Variants in SNX29 observed in about 807,000 individuals in gnomAD.
SNX29 encodes the protein sorting nexin 29, also known as sorting nexin-29.
Under a neutral mutation model 102.1 loss-of-function variants are expected in SNX29, and 78 were observed. That is an observed-to-expected ratio of 0.76 (90% confidence interval 0.64 to 0.92). SNX29 has a LOEUF of 0.92. Among genes scored for constraint, SNX29 ranks in the 40% least tolerant of loss-of-function variants. The probability of loss-of-function intolerance (pLI) is 0.00; values close to 1 mark genes in which losing one functional copy is unlikely to be tolerated. For missense variants in SNX29, 1,280 were observed against 1,061.7 expected, an observed-to-expected ratio of 1.21 and a Z score of -2.86; for synonymous variants, 580 against 414.5, an observed-to-expected ratio of 1.40 and a Z score of -4.85.
intron 20 of SNX29, among the ~76,000 whole-genome samples, chr16:12,564,771 A>C (rs1048983110): frequency 2.0e-4 from 30 of 151,688 alleles, no homozygotes; most frequent in African/African-American, 7.3e-4. Context: ...GATTGGCTTT[A>C]TGATTGCAGC....
At chr16:12,355,384 A>T (rs937201179) in intron 15 of SNX29, among the ~76,000 whole-genome samples, 3 of 151,992 alleles carry the variant, frequency 2.0e-5, no homozygotes, top group Non-Finnish European at 4.4e-5. Context: ...ATGGCCTGGT[A>T]TTGTTTTCGC....
chr16:12,126,732 T>G, intron 12 of SNX29, 36 bp downstream of exon 12: 1 of 1,608,546 alleles, frequency 6.2e-7, no homozygotes, highest in Non-Finnish European at 8.5e-7. Context: ...ATAGCCTCTT[T>G]CTTTGACATT....
At chr16:12,553,813 C>A (rs199822984) in intron 20 of SNX29, among the ~76,000 whole-genome samples, 23 of 152,092 alleles carry the variant, frequency 1.5e-4, no homozygotes, top group African/African-American at 5.3e-4. Context: ...GTCTCGAACT[C>A]CTGACCTTGT....
At chr16:12,533,588 T>C (rs528942128) in intron 20 of SNX29, among the ~76,000 whole-genome samples, 1 of 152,170 alleles carries the variant, frequency 6.6e-6, no homozygotes, top group Non-Finnish European at 1.5e-5. Flanking sequence ...AGGTATATTA[T>C]TTGGAGGGAG....
rs1021129966 is a variant in SNX29 at position 12,572,137 on chromosome 16, T to G, written c.*3508T>G. 1 of 995,442 alleles carries G rather than the reference T, an allele frequency of 1.0e-6. No homozygotes were observed. Among genetic ancestry groups the G allele is most frequent in the Admixed American group, 5.4e-5 (1 of 18,578 alleles). The allele number at this position is 995,442 out of a possible 1,614,324, so 61.7% of individuals were successfully genotyped here. ...ACAGCCCTTGGCCCTGCTTCATACT[T>G]TGGAGCTTATTAAGATCAATTTTGA... On this transcript the variant is annotated 3_prime_UTR_variant, in exon 21 of 21. Coordinates refer to ENST00000566228, the MANE Select transcript of SNX29 (RefSeq NM_032167.5).
At chr16:12,254,003 G>A (rs1029226495) in intron 14 of SNX29, among the ~76,000 whole-genome samples, 3 of 152,138 alleles carry the variant, frequency 2.0e-5, no homozygotes, top group Admixed American at 6.5e-5. Context: ...GGGCTGTGAG[G>A]TGTGAGTGAG....
intron 14 of SNX29, among the ~76,000 whole-genome samples, chr16:12,217,503 G>A (rs557779990): frequency 3.3e-5 from 5 of 152,192 alleles, no homozygotes; most frequent in African/African-American, 1.2e-4. Flanking sequence ...TCTAACACCT[G>A]TAGACAGGTA....
At chr16:12,073,161 T>C (rs1279251818) in intron 10 of SNX29, among the ~76,000 whole-genome samples, 17 of 152,238 alleles carry the variant, frequency 1.1e-4, no homozygotes, top group Non-Finnish European at 2.1e-4. Context: ...TTTGTGTCTC[T>C]ATTTCCTTCA....
rs140878019 is a variant in SNX29 at position 12,406,558 on chromosome 16, C to T, written c.2037+3029C>T. On this transcript the variant is annotated intron_variant, in intron 18 of 20. Coordinates refer to ENST00000566228, the MANE Select transcript of SNX29 (RefSeq NM_032167.5). Reference sequence around the variant, plus strand: ...GCGGTGCTCCCTGGTACTGGAGCTGCGCTGTCTGTACCAGAGCTCCTAGCC... The same window carrying T: ...GCGGTGCTCCCTGGTACTGGAGCTGTGCTGTCTGTACCAGAGCTCCTAGCC... 4.4e-3 allele frequency among the ~76,000 whole-genome samples: 668 copies of T among 152,252 alleles called. 8 individuals carry two copies. The highest frequency in any genetic ancestry group is 0.015 in the African/African-American group (639 of 41,550).
At chr16:12,556,186 G>A (rs553338553) in intron 20 of SNX29, among the ~76,000 whole-genome samples, 9 of 152,300 alleles carry the variant, frequency 5.9e-5, no homozygotes, top group African/African-American at 2.2e-4. Flanking sequence ...CCCAGATGTT[G>A]CTGAGTCTGA....
intron 13 of SNX29, among the ~76,000 whole-genome samples, chr16:12,146,668 C>T (rs1490918422): frequency 6.6e-6 from 1 of 152,202 alleles, no homozygotes; most frequent in East Asian, 1.9e-4. Flanking sequence ...TTCATCACTG[C>T]TTGGCTCCTG....
chr16:12,144,483 C>A (rs1402831460), intron 13 of SNX29, among the ~76,000 whole-genome samples: 3 of 152,160 alleles, frequency 2.0e-5, no homozygotes, highest in Non-Finnish European at 4.4e-5. Flanking sequence ...GAGCGCTCCA[C>A]CCCCCATGGA....
intron 13 of SNX29, among the ~76,000 whole-genome samples, chr16:12,170,889 C>G (rs906804872): frequency 2.0e-5 from 3 of 151,568 alleles, no homozygotes; most frequent in Non-Finnish European, 4.4e-5. Context: ...ACAGGGCCTC[C>G]GAGACATCCC....
chr16:12,457,938 TAGAG>T (rs750641838), intron 18 of SNX29, among the ~76,000 whole-genome samples: 3 of 152,190 alleles, frequency 2.0e-5, no homozygotes, highest in Non-Finnish European at 4.4e-5. Flanking sequence ...AAACATACAT[TAGAG>T]AGAGGTGCAG....
intron 19 of SNX29, among the ~76,000 whole-genome samples, chr16:12,496,890 A>G (rs1407818156): frequency 6.6e-6 from 1 of 151,770 alleles, no homozygotes; most frequent in Non-Finnish European, 1.5e-5. Context: ...CAGGGAGGGG[A>G]AAGCATGAGC....
intron 5 of SNX29, among the ~76,000 whole-genome samples, chr16:12,045,340 T>G (rs911511997): frequency 6.6e-6 from 1 of 152,158 alleles, no homozygotes; most frequent in East Asian, 1.9e-4. Context: ...TAATTTAGAA[T>G]TCAATGACCT....
At chr16:12,478,589 G>A (rs2087764681) in intron 19 of SNX29, among the ~76,000 whole-genome samples, 1 of 152,184 alleles carries the variant, frequency 6.6e-6, no homozygotes, top group Non-Finnish European at 1.5e-5. Flanking sequence ...CATTGTGCAA[G>A]GGGCTGGGTT....
chr16:12,495,953 C>T (rs1298673470), intron 19 of SNX29, among the ~76,000 whole-genome samples: 1 of 152,134 alleles, frequency 6.6e-6, no homozygotes, highest in Non-Finnish European at 1.5e-5. Flanking sequence ...GAGGCTGAGG[C>T]AGTAGAATCT....
At chr16:12,394,115 A>AATAAAATC (rs1400379603) in intron 16 of SNX29, among the ~76,000 whole-genome samples, 1 of 152,210 alleles carries the variant, frequency 6.6e-6, no homozygotes, top group Non-Finnish European at 1.5e-5. Context: ...GCAACAGCAA[A>AATAAAATC]ATAAAATCAG....
Sources: gnomAD v4.1 joint callset for allele counts (sites outside exome capture counted in the v4.1 genomes callset) on GRCh38, gnomAD v4.1.1 for gene constraint, MANE v1.5 for transcripts, NCBI Gene and HGNC (gene_info 2026-07-23, HGNC 2026-07-21) for gene names.